Variants in ZDHHC13 observed in about 807,000 individuals in gnomAD.
ZDHHC13 encodes zDHHC palmitoyltransferase 13.
ZDHHC13 carries 85 observed loss-of-function variants against 86.0 expected under a neutral mutation model. That is an observed-to-expected ratio of 0.99 (90% CI 0.83 to 1.18). ZDHHC13 has a LOEUF of 1.18. Among genes scored for constraint, ZDHHC13 ranks in the 50% most tolerant of loss-of-function variants. The pLI is 0.00. For synonymous variants in ZDHHC13, 263 were observed against 246.4 expected, an observed-to-expected ratio of 1.07 and a Z score of -0.63; for missense variants, 711 against 730.2, an observed-to-expected ratio of 0.97 and a Z score of 0.30.
rs920712651 is a variant in ZDHHC13, at chr11:19,152,606, T to C, written c.795T>C (p.Ile265=). The change falls in exon 8 of 17, where the codon ATT becomes ATC. Residue 265 remains isoleucine (I), a synonymous_variant. Transcript: ENST00000446113. ...DMALQNKNQL[I]IHMLKTEAKM... ...CTCTACAAAACAAAAATCAGCTCAT[T>C]ATTCATATGCTAAAAACAGAAGCCA... 1.9e-6 allele frequency: 3 copies of C among 1,613,206 alleles called. No individual in the cohort carries two copies. In the African/African-American group the frequency reaches 4.0e-5, roughly 22 times the overall value.
intron 8 of ZDHHC13, 149 bp from the exon 9 acceptor site, chr11:19,155,647 A>G (rs1849736480): frequency 1.3e-6 from 1 of 763,770 alleles, no homozygotes; most frequent in Non-Finnish European, 1.9e-6. Context: ...AAATTTATCA[A>G]TCAGCAATTT....
Position 19,163,308 on chromosome 11 carries a change from G to A in ZDHHC13, c.1114G>A (p.Ala372Thr). The part of the protein sequence containing the change: ...TWFILFFPDL[A>T]GAPFYFSFIF... The stretch of plus-strand genomic sequence containing the variant: ...TTCCTTAACTTGGCTTTAACATTTA[G>A]CAGGAGCCCCTTTCTATTTCAGTTT... Residue 372 changes from alanine (A) to threonine (T), a missense_variant, in exon 11 of 17, where the codon GCA (alanine) becomes ACA (threonine). Transcript: ENST00000446113. 1 of 1,584,106 alleles carries A rather than the reference G, an allele frequency of 6.3e-7. No homozygotes were observed. Among genetic ancestry groups the A allele is most frequent in the Non-Finnish European group, 8.6e-7 (1 of 1,169,352 alleles).
At chr11:19,124,052 A>C (rs1848815423) in intron 1 of ZDHHC13, among the ~76,000 whole-genome samples, 1 of 152,154 alleles carries the variant, frequency 6.6e-6, no homozygotes, top group Non-Finnish European at 1.5e-5. Context: ...AATCCTATAG[A>C]ATTAGAATGC....
chr11:19,137,224 C>G (rs1849166651), intron 1 of ZDHHC13, among the ~76,000 whole-genome samples: 2 of 151,932 alleles, frequency 1.3e-5, no homozygotes, highest in African/African-American at 4.8e-5. Flanking sequence ...GGAGGAAGAT[C>G]TACCAAGCAA....
chr11:19,147,775 C>CG (rs1212713186), intron 4 of ZDHHC13, 102 bp downstream of exon 4: 1 of 754,418 alleles, frequency 1.3e-6, no homozygotes, highest in Non-Finnish European at 1.9e-6. Flanking sequence ...CTTTTCTTCC[C>CG]CCCCCCCCTT....
chr11:19,132,452 C>T (rs922514681), intron 1 of ZDHHC13, among the ~76,000 whole-genome samples: 2 of 152,174 alleles, frequency 1.3e-5, no homozygotes, highest in Non-Finnish European at 2.9e-5. Flanking sequence ...AGTAATTGTT[C>T]AGTTTACAAA....
chr11:19,137,362 G>A (rs968994426), intron 1 of ZDHHC13, among the ~76,000 whole-genome samples: 1 of 152,106 alleles, frequency 6.6e-6, no homozygotes, highest in African/African-American at 2.4e-5. Context: ...AACAAGAAGA[G>A]CTAACTGTCC....
intron 14 of ZDHHC13, chr11:19,170,196 A>G: frequency 7.3e-7 from 1 of 1,373,710 alleles, no homozygotes; most frequent in Non-Finnish European, 9.3e-7. Context: ...AACTACTTAT[A>G]CAGTGTTATC....
intron 1 of ZDHHC13, among the ~76,000 whole-genome samples, chr11:19,137,261 G>T (rs1199918751): frequency 6.6e-6 from 1 of 151,992 alleles, no homozygotes; most frequent in Non-Finnish European, 1.5e-5. Flanking sequence ...GGCAGGGGTT[G>T]CAATCCTAGT....
intron 14 of ZDHHC13, chr11:19,166,662 A>C: frequency 4.5e-6 from 1 of 224,304 alleles, no homozygotes; most frequent in South Asian, 1.0e-4. Flanking sequence ...CTCCCCAGTG[A>C]AGAAGGAAAG....
At chr11:19,130,992 C>T (rs1019774043) in intron 1 of ZDHHC13, among the ~76,000 whole-genome samples, 15 of 151,790 alleles carry the variant, frequency 9.9e-5, no homozygotes, top group Admixed American at 5.2e-4. Flanking sequence ...ACCACAGGTG[C>T]GTGCCACCAT....
intron 15 of ZDHHC13, among the ~76,000 whole-genome samples, chr11:19,171,868 G>A (rs746320025): frequency 2.8e-4 from 43 of 152,078 alleles, no homozygotes; most frequent in Non-Finnish European, 1.8e-4. Flanking sequence ...CTTCGGAAAC[G>A]TTCATTTCCT....
At chr11:19,143,250 G>C in intron 2 of ZDHHC13, 127 bp downstream of exon 2, 1 of 1,015,834 alleles carries the variant, frequency 9.8e-7, no homozygotes, top group Non-Finnish European at 1.4e-6. Flanking sequence ...ACCAGCACCA[G>C]TATATTTGTC....
intron 1 of ZDHHC13, among the ~76,000 whole-genome samples, chr11:19,142,024 G>C (rs984624555): frequency 1.3e-5 from 2 of 152,018 alleles, no homozygotes; most frequent in African/African-American, 4.8e-5. Context: ...AACTGAGCTA[G>C]CACGCCACCC....
intron 14 of ZDHHC13, chr11:19,168,371 T>G (rs1850131164): frequency 6.6e-6 from 1 of 152,228 alleles, no homozygotes; most frequent in Non-Finnish European, 1.5e-5. Flanking sequence ...ATGACCAGCA[T>G]AAGACTGTAT....
intron 4 of ZDHHC13, among the ~76,000 whole-genome samples, 196 bp from the exon 5 acceptor site, chr11:19,148,991 A>G (rs1401884407): frequency 6.6e-6 from 1 of 152,142 alleles, no homozygotes; most frequent in African/African-American, 2.4e-5. Flanking sequence ...AACGAGAATG[A>G]TTATCCATAT....
Position 19,170,473 on chromosome 11 carries a change from A to C in ZDHHC13, c.1537A>C (p.Ile513Leu). ...TGGATTATGGACTTACCTCAATCAG[A>C]TTGTGGCCTGTTCCCCTTGGGTTTT... Reference protein sequence around the residue: ...EDGLWTYLNQIVACSPWVLYI... With the variant: ...EDGLWTYLNQLVACSPWVLYI... Residue 513 changes from isoleucine (I) to leucine (L), a missense_variant, in exon 15 of 17, where the codon ATT becomes CTT. Ile to Leu is a conservative substitution (Grantham distance 5). Coordinates refer to ENST00000446113, the MANE Select transcript of ZDHHC13 (RefSeq NM_019028.3). The C allele has an allele frequency of 1.3e-6, 2 of 1,538,748 alleles. No homozygotes were observed. Among genetic ancestry groups the C allele is most frequent in the Non-Finnish European group, 8.7e-7 (1 of 1,143,886 alleles).
At chr11:19,119,680 C>T (rs1463708909) in intron 1 of ZDHHC13, among the ~76,000 whole-genome samples, 7 of 152,194 alleles carry the variant, frequency 4.6e-5, no homozygotes, top group South Asian at 2.1e-4. Context: ...CACCATTTAA[C>T]GTACTTATTG....
At chr11:19,123,448 G>A (rs1337771195) in intron 1 of ZDHHC13, among the ~76,000 whole-genome samples, 2 of 151,848 alleles carry the variant, frequency 1.3e-5, no homozygotes, top group Non-Finnish European at 2.9e-5. Flanking sequence ...GCAACATAAC[G>A]AGACCAGTCT....
Sources: gnomAD v4.1 joint callset for allele counts (sites outside exome capture counted in the v4.1 genomes callset) on GRCh38, gnomAD v4.1.1 for gene constraint, MANE v1.5 for transcripts, NCBI Gene and HGNC (gene_info 2026-07-23, HGNC 2026-07-21) for gene names.